Variants in DIP2A observed in about 807,000 individuals in gnomAD.
DIP2A encodes the protein disco-interacting protein 2 homolog A.
In DIP2A, 85 loss-of-function variants were observed where a neutral mutation model predicts 177.4. The ratio of observed to expected loss-of-function variants is 0.48; its 90% CI spans 0.40 to 0.57. The LOEUF is 0.57. DIP2A is among the 20% of genes least tolerant of loss of function. DIP2A has a pLI of 0.00. For synonymous variants in DIP2A, 886 were observed against 881.8 expected, an observed-to-expected ratio of 1.00 and a Z score of -0.08; for missense variants, 1,791 against 2,100.2, an observed-to-expected ratio of 0.85 and a Z score of 2.88.
At chr21:46,496,322 A>G (rs2057360262) in intron 3 of DIP2A, among the ~76,000 whole-genome samples, 1 of 152,166 alleles carries the variant, frequency 6.6e-6, no homozygotes, top group South Asian at 2.1e-4. Flanking sequence ...CGAAGAATCT[A>G]TATGACAATG....
chr21:46,472,823 G>C (rs891833584), intron 1 of DIP2A, among the ~76,000 whole-genome samples: 3 of 152,138 alleles, frequency 2.0e-5, no homozygotes, highest in Non-Finnish European at 4.4e-5. Flanking sequence ...GATGTGTGAG[G>C]TGACCAAGAG....
chr21:46,557,794 A>G lies in DIP2A; in HGVS notation c.3798+41A>G. Reference sequence around the variant, plus strand: ...CGGGCTTCTGAGTGTGCTGCAGACCACAGCCCTGGGAAGTTTAAAAACAAC... The same window carrying G: ...CGGGCTTCTGAGTGTGCTGCAGACCGCAGCCCTGGGAAGTTTAAAAACAAC... On this transcript the variant is annotated intron_variant, in intron 31 of 37. Transcript: ENST00000417564. The surrounding 1 kb of genome is among the most constrained non-coding windows in gnomAD (Gnocchi z 6.0). The G allele has an allele frequency of 6.3e-7, 1 of 1,586,712 alleles. No individual in the cohort carries two copies. The highest frequency in any genetic ancestry group is 1.1e-5 in the South Asian group (1 of 89,924).
In DIP2A at chr21:46,563,684, T is replaced by TA; in HGVS notation, c.4090-173dup. ...TTTGCTTATTTCTATTAACATCTCT[T>TA]ATTTCTTTCAAAATTCAAAGTCAAA... On this transcript the variant is annotated intron_variant, in intron 34 of 37. Coordinates refer to ENST00000417564, the MANE Select transcript of DIP2A (RefSeq NM_015151.4). The surrounding 1 kb of genome is among the most constrained non-coding windows in gnomAD (Gnocchi z 4.3). The TA allele has an allele frequency of 8.1e-7, 1 of 1,235,244 alleles. No homozygotes were observed. 76.5% of individuals were successfully genotyped at this position (1,235,244 alleles called of 1,614,324 possible).
chr21:46,527,788 T>TG (rs1483117608), intron 8 of DIP2A, among the ~76,000 whole-genome samples: 1 of 152,140 alleles, frequency 6.6e-6, no homozygotes, highest in Non-Finnish European at 1.5e-5. Context: ...AAGGGCTCAG[T>TG]GATGACTTTG....
chr21:46,581,403 C>T, the DIP2A span, among the ~76,000 whole-genome samples: 2 of 152,158 alleles, frequency 1.3e-5, no homozygotes, highest in East Asian at 3.9e-4. Context: ...ACTCCTTTAG[C>T]TCAATGGAGT....
At chr21:46,518,575 G>A (rs377420364) in intron 8 of DIP2A, among the ~76,000 whole-genome samples, 40 of 152,196 alleles carry the variant, frequency 2.6e-4, no homozygotes, top group African/African-American at 7.9e-4. Context: ...TGTAGTGAAC[G>A]GCTGGGCACG....
chr21:46,506,724 TTTTCTTTC>T (rs1555887429), intron 6 of DIP2A, among the ~76,000 whole-genome samples: 2,920 of 78,736 alleles, frequency 0.037, 91 homozygotes, highest in Non-Finnish European at 0.05. Flanking sequence ...TTGTGCTTGT[TTTTCTTTC>T]TTTCTTTCTT....
chr21:46,496,917 C>CA, intron 3 of DIP2A, 71 bp from the exon 4 acceptor site: 1 of 1,453,440 alleles, frequency 6.9e-7, no homozygotes. Context: ...CAAACAAAAA[C>CA]ATGAAACTTA....
the DIP2A span, among the ~76,000 whole-genome samples, chr21:46,579,854 G>A: frequency 6.6e-6 from 1 of 152,126 alleles, no homozygotes; most frequent in African/African-American, 2.4e-5. Context: ...TTGCTGAGGA[G>A]GGTTTTACTT....
At chr21:46,540,929 C>T (rs1478321992) in intron 17 of DIP2A, among the ~76,000 whole-genome samples, 4 of 150,906 alleles carry the variant, frequency 2.7e-5, no homozygotes, top group African/African-American at 7.3e-5. Context: ...GCAGGCGAAT[C>T]GCTTGAACCC....
chr21:46,566,352 CTT>C (rs1302364464), intron 36 of DIP2A, among the ~76,000 whole-genome samples: 4 of 152,212 alleles, frequency 2.6e-5, no homozygotes, highest in African/African-American at 7.2e-5. Flanking sequence ...CTTGCTGTAA[CTT>C]TCCTGAGGTG....
intron 23 of DIP2A, among the ~76,000 whole-genome samples, chr21:46,551,075 AT>A (rs1276611649): frequency 6.6e-6 from 1 of 152,204 alleles, no homozygotes; most frequent in African/African-American, 2.4e-5. Context: ...GCCCAGGATC[AT>A]CCTGGAGCTG....
rs2060721527 is a variant in DIP2A at position 46,563,102 on chromosome 21, A to G, written c.4090-756A>G. 6.6e-6 allele frequency among the ~76,000 whole-genome samples: 1 copy of G among 152,304 alleles called. No individual in the cohort carries two copies. The highest frequency in any genetic ancestry group is 2.4e-5 in the African/African-American group (1 of 41,568). On this transcript the variant is annotated intron_variant, in intron 34 of 37. Coordinates refer to ENST00000417564, the MANE Select transcript of DIP2A (RefSeq NM_015151.4). This position sits in a 1 kb window ranked among gnomAD's most constrained non-coding sequence, Gnocchi z 4.3. ...TCTGGTTTTGGGGCTCAGCTGGGAC[A>G]TGCAGGGAGAAGATGGAGGCTCCAA...
chr21:46,529,251 A>G, intron 9 of DIP2A, 68 bp downstream of exon 9: 1 of 973,930 alleles, frequency 1.0e-6, no homozygotes. Flanking sequence ...TGTTTCATTG[A>G]AATTAGTGTT....
At position 46,490,732 on chromosome 21, in the gene DIP2A, C is replaced by G. The variant is rs371643069; in HGVS notation, c.283+13C>G. On this transcript the variant is annotated intron_variant, in intron 3 of 37. Coordinates refer to ENST00000417564, the MANE Select transcript of DIP2A (RefSeq NM_015151.4). ...CGCTTCCGGTCAGGTAGGGTCACAG[C>G]CTAGGCAGTGGGGAAGGTGGACGGG... 3.2e-6 allele frequency: 5 copies of G among 1,561,920 alleles called. No homozygotes were observed. Among genetic ancestry groups the G allele is most frequent in the African/African-American group, 1.4e-5 (1 of 73,554 alleles).
Position 46,498,361 on chromosome 21 carries a change from G to C in DIP2A, c.404-221G>C, listed in dbSNP as rs1198334360. On this transcript the variant is annotated intron_variant, in intron 4 of 37. Transcript: ENST00000417564. The surrounding 1 kb of genome is among the most constrained non-coding windows in gnomAD (Gnocchi z 4.3). ...CCTGTGGCTGAGTTCTCTCTGGGGA[G>C]CTGGGGGCTCATGGAATCATTTTCC... Among the ~76,000 whole-genome samples, 3 of 152,162 alleles carry C rather than the reference G, an allele frequency of 2.0e-5. No homozygotes were observed. The highest frequency in any genetic ancestry group is 7.2e-5 in the African/African-American group (3 of 41,434).
chr21:46,560,741 C>T lies in DIP2A; in HGVS notation c.3989C>T (p.Pro1330Leu), dbSNP rs981641727. 1.2e-6 allele frequency: 2 copies of T among 1,609,260 alleles called. No homozygotes were observed. Among genetic ancestry groups the T allele is most frequent in the Non-Finnish European group, 1.7e-6 (2 of 1,178,094 alleles). ...ICLQGTAGPD[P>L]TTVYVDMRAL... Reference sequence around the variant, plus strand: ...TTCCAGGGCACAGCTGGCCCGGACCCCACAACCGTCTACGTGGACATGCGG... The same window carrying T: ...TTCCAGGGCACAGCTGGCCCGGACCTCACAACCGTCTACGTGGACATGCGG... The change falls in exon 33 of 38, where the codon CCC becomes CTC. Residue 1330 changes from proline to leucine, a missense_variant. Coordinates refer to ENST00000417564, the MANE Select transcript of DIP2A (RefSeq NM_015151.4).
chr21:46,484,031 C>G (rs112020191), intron 1 of DIP2A, among the ~76,000 whole-genome samples: 3 of 152,080 alleles, frequency 2.0e-5, no homozygotes, highest in Non-Finnish European at 4.4e-5. Flanking sequence ...GCTGTTTTTC[C>G]TTATGATAAT....
intron 22 of DIP2A, 24 bp from the exon 23 acceptor site, chr21:46,550,519 C>G (rs2060232859): frequency 6.2e-7 from 1 of 1,601,596 alleles, no homozygotes; most frequent in Admixed American, 1.7e-5. Flanking sequence ...GGGGCCTGTG[C>G]CAAACAGGGT....
Sources: allele counts gnomAD v4.1 joint callset (sites outside exome capture counted in the v4.1 genomes callset), GRCh38; gene constraint gnomAD v4.1.1; non-coding constraint Gnocchi (gnomAD v3.1); transcripts MANE v1.5; gene names NCBI Gene and HGNC (gene_info 2026-07-23, HGNC 2026-07-21).